CD82: variants seen among roughly 807,000 people sequenced by gnomAD.
CD82 encodes the protein CD82 antigen.
Under a neutral mutation model 37.4 loss-of-function variants are expected in CD82, and 36 were observed. The observed-to-expected ratio is 0.96, with a 90% confidence interval of 0.74 to 1.27. The LOEUF (loss-of-function observed/expected upper bound fraction) is 1.27. Ranked by LOEUF, CD82 falls within the 50% of genes most tolerant of loss-of-function variation. The probability of loss-of-function intolerance (pLI) is 0.00; values close to 1 mark genes in which losing one functional copy is unlikely to be tolerated. For missense variants in CD82, 340 were observed against 347.0 expected (o/e 0.98, Z 0.16); for synonymous variants, 158 against 137.4 (o/e 1.15, Z -1.05).
rs112135600 is a variant in CD82 at position 44,581,730 on chromosome 11, T to A, written c.-102-5745T>A. 2.4e-3 allele frequency among the ~76,000 whole-genome samples: 358 copies of A among 152,296 alleles called. 3 individuals are homozygous for A. The highest frequency in any genetic ancestry group is 8.2e-3 in the African/African-American group (342 of 41,572). ...GCAGAAGGGCCACTTGGGAGGCCCC[T>A]GGGAGGGCAGCCCCTCAGGCCCTCT... On this transcript the variant is annotated intron_variant, in intron 1 of 9. Transcript: ENST00000227155.
At chr11:44,605,233 G>T in intron 5 of CD82, 51 bp downstream of exon 5, 1 of 1,607,474 alleles carries the variant, frequency 6.2e-7, no homozygotes, top group Non-Finnish European at 8.5e-7. Context: ...TCATCCAGCC[G>T]AGTGCAGCCT....
At chr11:44,588,370 C>A (rs552414763) in intron 2 of CD82, among the ~76,000 whole-genome samples, 7 of 152,164 alleles carry the variant, frequency 4.6e-5, no homozygotes, top group Admixed American at 2.0e-4. Context: ...ACTGCAGGCA[C>A]CCGCCACCAT....
At chr11:44,617,862 T>C (rs1853588401) in intron 7 of CD82, among the ~76,000 whole-genome samples, 1 of 152,216 alleles carries the variant, frequency 6.6e-6, no homozygotes, top group Non-Finnish European at 1.5e-5. Flanking sequence ...GGGCTGGGAT[T>C]GTAACCCAGT....
intron 1 of CD82, among the ~76,000 whole-genome samples, chr11:44,586,802 A>G (rs983117690): frequency 1.3e-5 from 2 of 152,226 alleles, no homozygotes; most frequent in Admixed American, 1.3e-4. Flanking sequence ...TGATCTCTCT[A>G]GACCTCCCTT....
At chr11:44,576,974 TTC>T (rs1223075159) in intron 1 of CD82, among the ~76,000 whole-genome samples, 3 of 152,080 alleles carry the variant, frequency 2.0e-5, no homozygotes, top group African/African-American at 7.2e-5. Context: ...GGAGAACTCT[TTC>T]TCTCTATTCT....
intron 6 of CD82, among the ~76,000 whole-genome samples, chr11:44,614,425 A>G (rs1390831279): frequency 6.6e-6 from 1 of 152,172 alleles, no homozygotes; most frequent in Non-Finnish European, 1.5e-5. Flanking sequence ...CTGGCAGACC[A>G]TGGTGGTTAG....
At position 44,618,712 on chromosome 11, in the gene CD82, G is replaced by A. The variant is rs778556850; in HGVS notation, c.715G>A (p.Ala239Thr). 5.0e-6 allele frequency: 8 copies of A among 1,613,228 alleles called. No individual in the cohort carries two copies. In the African/African-American group the frequency reaches 1.1e-4, roughly 22 times the overall value. Reference sequence around the variant, plus strand: ...CATCCTCGGCGTGGGCGTGGGTGTGGCCATCATCGAGGTCTGAGCCCCCTC... The same window carrying A: ...CATCCTCGGCGTGGGCGTGGGTGTGACCATCATCGAGGTCTGAGCCCCCTC... The part of the protein sequence containing the change: ...GIILGVGVGV[A>T]IIELLGMVLS... The change falls in exon 9 of 10, where the codon GCC becomes ACC. Residue 239 changes from alanine to threonine, a missense_variant. Ala to Thr is a moderately conservative substitution (Grantham distance 58, BLOSUM62 0). Coordinates refer to ENST00000227155, the MANE Select transcript of CD82 (RefSeq NM_002231.4).
At chr11:44,609,191 C>T (rs117325725) in intron 6 of CD82, among the ~76,000 whole-genome samples, 2,124 of 152,224 alleles carry the variant, frequency 0.014, 23 homozygotes, top group Middle Eastern at 0.048. Context: ...TGGGCTCTGC[C>T]GCTGATTGCT....
chr11:44,584,535 G>A (rs1178702231), intron 1 of CD82, among the ~76,000 whole-genome samples: 2 of 152,012 alleles, frequency 1.3e-5, no homozygotes, highest in East Asian at 1.9e-4. Context: ...TGATCTGCCC[G>A]CCTCGGCCTC....
intron 2 of CD82, among the ~76,000 whole-genome samples, chr11:44,594,217 C>T (rs1853187349): frequency 1.3e-5 from 2 of 152,188 alleles, no homozygotes; most frequent in Non-Finnish European, 2.9e-5. Flanking sequence ...ACTCCCAGCC[C>T]CTAGTCCCAG....
chr11:44,608,922 C>G (rs577609779), intron 6 of CD82, among the ~76,000 whole-genome samples: 3 of 152,262 alleles, frequency 2.0e-5, no homozygotes, highest in Admixed American at 2.0e-4. Context: ...ACGGGAAGGG[C>G]GTCGTGCGGC....
rs542719165 is a variant in CD82, at chr11:44,597,118, T to C, written c.63+2393T>C. 6.8e-6 allele frequency: 3 copies of C among 438,108 alleles called. No homozygotes were observed. The highest frequency in any genetic ancestry group is 1.4e-4 in the East Asian group (2 of 14,116). The allele number at this position is 438,108 out of a possible 1,614,324, so 27.1% of individuals were successfully genotyped here. A position where few individuals can be genotyped will look rare whatever the true frequency, so the allele number is the denominator to read the frequency against. On this transcript the variant is annotated intron_variant, in intron 3 of 9. Transcript: ENST00000227155. The surrounding 1 kb of genome is among the most constrained non-coding windows in gnomAD (Gnocchi z 4.1). ...TTTATGCACATTGGGAGGGGTTTCGTGGTTGGATTTGTGGTTTGGAAAAAT... is the reference window on the plus strand; with the variant it reads ...TTTATGCACATTGGGAGGGGTTTCGCGGTTGGATTTGTGGTTTGGAAAAAT...
At chr11:44,614,959 T>A (rs1318029457) in intron 6 of CD82, among the ~76,000 whole-genome samples, 2 of 152,126 alleles carry the variant, frequency 1.3e-5, no homozygotes, top group African/African-American at 4.8e-5. Flanking sequence ...TAGGACCTCC[T>A]AGGCTGTTAT....
intron 1 of CD82, chr11:44,585,008 C>T (rs530553234): frequency 1.7e-5 from 6 of 347,454 alleles, no homozygotes; most frequent in Admixed American, 3.8e-5. Flanking sequence ...CGAGCTCCCA[C>T]GGGATCGGAT....
chr11:44,584,652 A>G (rs997966801), intron 1 of CD82, among the ~76,000 whole-genome samples: 1 of 150,478 alleles, frequency 6.6e-6, no homozygotes, highest in African/African-American at 2.4e-5. Flanking sequence ...TTCTCCTGTC[A>G]CCCAGAGTAG....
chr11:44,584,476 T>G (rs1025831254), intron 1 of CD82, among the ~76,000 whole-genome samples: 8 of 152,076 alleles, frequency 5.3e-5, no homozygotes, highest in African/African-American at 1.9e-4. Context: ...TTAGCAGAGA[T>G]GGAGTTTCAC....
intron 1 of CD82, among the ~76,000 whole-genome samples, chr11:44,577,326 G>A (rs1368513675): frequency 6.6e-6 from 1 of 152,136 alleles, no homozygotes; most frequent in Non-Finnish European, 1.5e-5. Context: ...AGTTTCACCT[G>A]AATGCCATCA....
At chr11:44,575,268 CCCTCT>C (rs1852874152) in intron 1 of CD82, among the ~76,000 whole-genome samples, 3 of 152,180 alleles carry the variant, frequency 2.0e-5, no homozygotes, top group Non-Finnish European at 4.4e-5. Flanking sequence ...CTGATTTTGA[CCCTCT>C]CCTCTCTGGG....
chr11:44,601,072 C>T lies in CD82; in HGVS notation c.136+842C>T, dbSNP rs1158755542. Among the ~76,000 whole-genome samples the T allele has an allele frequency of 3.6e-5, 5 of 140,786 alleles. No individual in the cohort carries two copies. In the East Asian group the frequency reaches 8.7e-4, roughly 25 times the overall value. The allele number at this position is 140,786 out of a possible 152,430, so 92.4% of individuals were successfully genotyped here. ...TCCAGGAAGCCGTCAGGGCCTGCCACGCTGACTTCTCAGGGGCTCCCTGTG... is the reference window on the plus strand; with the variant it reads ...TCCAGGAAGCCGTCAGGGCCTGCCATGCTGACTTCTCAGGGGCTCCCTGTG... On this transcript the variant is annotated intron_variant, in intron 4 of 9. Coordinates refer to ENST00000227155, the MANE Select transcript of CD82 (RefSeq NM_002231.4).
Sources: gnomAD v4.1 joint callset for allele counts (sites outside exome capture counted in the v4.1 genomes callset) on GRCh38, gnomAD v4.1.1 for gene constraint, Gnocchi (gnomAD v3.1) non-coding constraint, MANE v1.5 for transcripts, NCBI Gene and HGNC (gene_info 2026-07-23, HGNC 2026-07-21) for gene names.